The following CDH2 variants were observed in gnomAD, a reference collection of about 807,000 sequenced individuals.
The protein encoded by CDH2 is cadherin-2.
Under a neutral mutation model 92.0 loss-of-function variants are expected in CDH2, and 17 were observed. The observed-to-expected ratio is 0.18, with a 90% CI of 0.13 to 0.28. The LOEUF (loss-of-function observed/expected upper bound fraction) is 0.28, where lower values mean the gene tolerates loss of function less well. CDH2 is among the 10% of genes least tolerant of loss of function. The pLI, the probability that CDH2 is intolerant of heterozygous loss-of-function variation, is 1.00. For synonymous variants in CDH2, 419 were observed against 415.9 expected, an observed-to-expected ratio of 1.01 and a Z score of -0.09; for missense variants, 862 against 1,133.1, an observed-to-expected ratio of 0.76 and a Z score of 3.44.
At chr18:28,078,086 G>T (rs1407697162) in intron 2 of CDH2, among the ~76,000 whole-genome samples, 1 of 151,808 alleles carries the variant, frequency 6.6e-6, no homozygotes, top group Non-Finnish European at 1.5e-5. Context: ...AATATATTCT[G>T]ACTATTTGTA....
intron 10 of CDH2, 38 bp from the exon 11 acceptor site, chr18:27,988,704 AACTTT>A: frequency 6.8e-7 from 1 of 1,475,104 alleles, no homozygotes; most frequent in Non-Finnish European, 9.4e-7. Flanking sequence ...CTTTTTATGA[AACTTT>A]AAAAAAACAT....
chr18:27,980,995 C>T (rs1221538988), intron 14 of CDH2, among the ~76,000 whole-genome samples: 1 of 151,936 alleles, frequency 6.6e-6, no homozygotes, highest in Non-Finnish European at 1.5e-5. Flanking sequence ...AACAATACGG[C>T]CATATTAAAC....
intron 2 of CDH2, among the ~76,000 whole-genome samples, chr18:28,067,328 G>A (rs555180738): frequency 2.6e-5 from 4 of 151,892 alleles, no homozygotes; most frequent in East Asian, 1.9e-4. Flanking sequence ...TTCTTTGCCC[G>A]AAAAGAAACT....
chr18:27,939,716 G>GT (rs1360730623), intron 6 of CDH2, among the ~76,000 whole-genome samples: 1 of 152,060 alleles, frequency 6.6e-6, no homozygotes, highest in Non-Finnish European at 1.5e-5. Flanking sequence ...GTTTAATTTT[G>GT]TTTTTACTAT....
At chr18:28,093,703 T>G (rs1246836300) in intron 2 of CDH2, among the ~76,000 whole-genome samples, 1 of 152,222 alleles carries the variant, frequency 6.6e-6, no homozygotes, top group African/African-American at 2.4e-5. Context: ...TAATACATTT[T>G]CCTCGACATA....
chr18:28,156,256 A>G (rs2016208514), intron 1 of CDH2, among the ~76,000 whole-genome samples: 2 of 152,216 alleles, frequency 1.3e-5, no homozygotes, highest in South Asian at 4.1e-4. Flanking sequence ...CAAAGAGAAT[A>G]GGCAAAAACA....
intron 12 of CDH2, 88 bp from the exon 13 acceptor site, chr18:27,985,321 C>A: frequency 1.2e-6 from 1 of 839,468 alleles, no homozygotes; most frequent in South Asian, 1.6e-5. Flanking sequence ...TATTTACTAC[C>A]TAATAGTACA....
At chr18:28,024,092 A>G (rs910343696) in intron 2 of CDH2, among the ~76,000 whole-genome samples, 3 of 152,208 alleles carry the variant, frequency 2.0e-5, no homozygotes, top group African/African-American at 7.2e-5. Context: ...AAGAGAATTC[A>G]AAACTACTTA....
chr18:28,175,856 G>A (rs2016531751), intron 1 of CDH2, among the ~76,000 whole-genome samples: 1 of 152,184 alleles, frequency 6.6e-6, no homozygotes, highest in Admixed American at 6.5e-5. Flanking sequence ...CCCCTTTCCC[G>A]CAACCTTCGA....
chr18:28,141,698 T>G (rs150708666), intron 2 of CDH2, among the ~76,000 whole-genome samples: 15 of 152,104 alleles, frequency 9.9e-5, no homozygotes, highest in African/African-American at 3.4e-4. Flanking sequence ...ATGATCCTGT[T>G]TTGAAAGTCA....
At chr18:27,948,825 G>A (rs1158689715), downstream of CDH2, among the ~76,000 whole-genome samples, 1 of 152,056 alleles carries the variant, frequency 6.6e-6, no homozygotes, top group East Asian at 1.9e-4. Context: ...AGGCTGGTAG[G>A]AGTGTACATT....
At chr18:28,127,074 T>C (rs1239514250) in intron 2 of CDH2, among the ~76,000 whole-genome samples, 1 of 152,104 alleles carries the variant, frequency 6.6e-6, no homozygotes, top group Non-Finnish European at 1.5e-5. Context: ...CATGAGTTCT[T>C]AAGCAGGAGA....
chr18:28,165,844 A>G (rs983595677), intron 1 of CDH2, among the ~76,000 whole-genome samples: 4 of 151,916 alleles, frequency 2.6e-5, no homozygotes, highest in Non-Finnish European at 4.4e-5. Flanking sequence ...TACAGAAATG[A>G]TGTACTTGAT....
At chr18:28,108,374 A>G (rs1369716604) in intron 2 of CDH2, among the ~76,000 whole-genome samples, 2 of 152,206 alleles carry the variant, frequency 1.3e-5, no homozygotes, top group Non-Finnish European at 2.9e-5. Context: ...AGTCATTGGT[A>G]TATCTAGTCA....
At chr18:28,092,217 C>G (rs982622529) in intron 2 of CDH2, among the ~76,000 whole-genome samples, 1 of 152,076 alleles carries the variant, frequency 6.6e-6, no homozygotes, top group African/African-American at 2.4e-5. Context: ...TTCTCTCAGT[C>G]TAACATGTAA....
At chr18:28,103,516 C>A (rs1036990164) in intron 2 of CDH2, among the ~76,000 whole-genome samples, 1 of 150,576 alleles carries the variant, frequency 6.6e-6, no homozygotes, top group Non-Finnish European at 1.5e-5. Context: ...CACACACACA[C>A]ATATACTTTA....
downstream of CDH2, among the ~76,000 whole-genome samples, chr18:27,947,773 A>ATGTGATG (rs139459801): frequency 2.0e-5 from 3 of 150,752 alleles, no homozygotes; most frequent in Middle Eastern, 3.2e-3. Context: ...TATATGTGAT[A>ATGTGATG]TAAGTATATG....
intron 2 of CDH2, among the ~76,000 whole-genome samples, chr18:28,117,310 A>T (rs2015511378): frequency 6.6e-6 from 1 of 152,150 alleles, no homozygotes; most frequent in South Asian, 2.1e-4. Flanking sequence ...GCTAAAGGAA[A>T]AATATATGAC....
At chr18:28,081,978 CAGCTCTTCAAGTCACATAATAAGTCCA>C (rs1369535279) in intron 2 of CDH2, among the ~76,000 whole-genome samples, 1 of 152,130 alleles carries the variant, frequency 6.6e-6, no homozygotes, top group East Asian at 1.9e-4. Flanking sequence ...TTTTCAGTGT[CAGCTCTTCAAGTCACATAATAAGTCCA>C]AGCTTAAGTT....
Sources: gnomAD v4.1 joint callset for allele counts (sites outside exome capture counted in the v4.1 genomes callset) on GRCh38, gnomAD v4.1.1 for gene constraint, MANE v1.5 for transcripts, NCBI Gene and HGNC (gene_info 2026-07-23, HGNC 2026-07-21) for gene names.